The following TCF4 variants were observed in gnomAD, a reference collection of about 807,000 sequenced individuals.
The protein encoded by TCF4 is SL3-3 enhancer factor 2.
Under a neutral mutation model 82.1 loss-of-function variants are expected in TCF4, and 3 were observed. That is an observed-to-expected ratio of 0.04 (90% CI 0.02 to 0.09). TCF4 has a LOEUF of 0.09. Among genes scored for constraint, TCF4 ranks in the 10% least tolerant of loss-of-function variants. The pLI, the probability that TCF4 is intolerant of heterozygous loss-of-function variation, is 1.00. For missense variants in TCF4, 518 were observed against 852.7 expected (o/e 0.61, Z 4.89); for synonymous variants, 276 against 309.6 (o/e 0.89, Z 1.14).
rs1016351184 is a variant in TCF4 at position 55,360,884 on chromosome 18, G to A, written c.370-9881C>T. On this transcript the variant is annotated intron_variant, in intron 6 of 19. Coordinates refer to ENST00000354452, the MANE Select transcript of TCF4 (RefSeq NM_001083962.2). Reference sequence around the variant, plus strand: ...CTGGGCTACAGGTGCATGCCACCATGCCCAGCTAATTTTTGTATTTTTAGT... The same window carrying A: ...CTGGGCTACAGGTGCATGCCACCATACCCAGCTAATTTTTGTATTTTTAGT... Among the ~76,000 whole-genome samples the A allele has an allele frequency of 5.9e-5, 9 of 151,756 alleles. No homozygotes were observed. The South Asian group carries it at 1.7e-3, about 28-fold the overall frequency.
At chr18:55,525,809 T>A (rs1164279016) in intron 3 of TCF4, among the ~76,000 whole-genome samples, 2 of 152,018 alleles carry the variant, frequency 1.3e-5, no homozygotes, top group Admixed American at 1.3e-4. Context: ...GGAACCTAGG[T>A]GCTGGATATC....
chr18:55,487,531 C>T (rs1462532048), intron 3 of TCF4, among the ~76,000 whole-genome samples: 2 of 152,072 alleles, frequency 1.3e-5, no homozygotes, highest in South Asian at 2.1e-4. Context: ...GAAAACAGAA[C>T]CAAATTCATA....
chr18:55,586,147 G>GCAGCAGC (rs1378978070), intron 2 of TCF4: 18 of 1,302,644 alleles, frequency 1.4e-5, no homozygotes, highest in Non-Finnish European at 4.1e-6. Flanking sequence ...GGAGGAGGAG[G>GCAGCAGC]AGGAGGAGCA....
intron 6 of TCF4, among the ~76,000 whole-genome samples, chr18:55,361,731 G>C (rs2085250193): frequency 2.0e-5 from 3 of 152,174 alleles, no homozygotes; most frequent in Admixed American, 2.0e-4. Flanking sequence ...TGAGTCCCAA[G>C]CACCAGCCCA....
At chr18:55,415,247 A>G (rs2146797579) in intron 5 of TCF4, among the ~76,000 whole-genome samples, 1 of 152,318 alleles carries the variant, frequency 6.6e-6, no homozygotes, top group South Asian at 2.1e-4. Context: ...TATTTACCAA[A>G]AACACACCCA....
At chr18:55,500,576 T>G (rs2096686918) in intron 3 of TCF4, among the ~76,000 whole-genome samples, 1 of 152,168 alleles carries the variant, frequency 6.6e-6, no homozygotes, top group East Asian at 1.9e-4. Flanking sequence ...TTAATTGCCA[T>G]TTTTTTCATA....
At chr18:55,446,420 C>G (rs189402929) in intron 5 of TCF4, among the ~76,000 whole-genome samples, 257 of 152,232 alleles carry the variant, frequency 1.7e-3, no homozygotes, top group Non-Finnish European at 3.0e-3. Flanking sequence ...TATTCCACCT[C>G]TGGGAATTCT....
chr18:55,464,496 A>T (rs1484576477), intron 3 of TCF4, among the ~76,000 whole-genome samples: 2 of 152,240 alleles, frequency 1.3e-5, no homozygotes, highest in Admixed American at 6.5e-5. Flanking sequence ...ATGCAAAAAA[A>T]GTTAAATTAA....
intron 8 of TCF4, among the ~76,000 whole-genome samples, chr18:55,318,445 A>AT: frequency 6.6e-6 from 1 of 151,996 alleles, no homozygotes; most frequent in African/African-American, 2.4e-5. Context: ...TGGTGCTTTA[A>AT]TTTTTTTTAA....
intron 12 of TCF4, chr18:55,260,943 T>C (rs2057932742): frequency 1.3e-5 from 2 of 158,168 alleles, no homozygotes; most frequent in African/African-American, 4.8e-5. Context: ...GGTATGCCAT[T>C]TTGTCATCAG....
rs2097710939 is a variant in TCF4, at chr18:55,615,517, T to C, written c.286+15781A>G. ...TCATTTCCAATCTTGATGCCTTTTA[T>C]TCCTTTCCTTGCCTTATTACATTGG... is the stretch of plus-strand genomic sequence containing the variant. On this transcript the variant is annotated intron_variant, in intron 2 of 20. Transcript: ENST00000398339. Among the ~76,000 whole-genome samples the C allele has an allele frequency of 2.0e-5, 3 of 152,100 alleles. No homozygotes were observed. The South Asian group carries it at 6.2e-4, about 32-fold the overall frequency.
At chr18:55,497,633 T>C (rs1457346425) in intron 3 of TCF4, among the ~76,000 whole-genome samples, 1 of 152,214 alleles carries the variant, frequency 6.6e-6, no homozygotes, top group Non-Finnish European at 1.5e-5. Flanking sequence ...ACTATTTACC[T>C]TATTTTCCTT....
intron 8 of TCF4, among the ~76,000 whole-genome samples, chr18:55,348,914 A>C (rs1314205840): frequency 6.6e-6 from 1 of 152,162 alleles, no homozygotes; most frequent in Admixed American, 6.6e-5. Flanking sequence ...AGGCATGTTT[A>C]AAATGTAAAC....
rs913430761 is a variant in TCF4 at position 55,261,423 on chromosome 18, T to A, written c.990+43A>T. The A allele has an allele frequency of 1.9e-6, 3 of 1,605,796 alleles. 1 individual carries two copies. In the Middle Eastern group the frequency reaches 5.0e-4, roughly 266 times the overall value. ...GTCCACTTCTGATTAAAGTTCACCC[T>A]TTACAATGGTACATATGGAGTCCAA... is the stretch of plus-strand genomic sequence containing the variant. On this transcript the variant is annotated intron_variant, in intron 12 of 19. Transcript: ENST00000354452.
intron 5 of TCF4, among the ~76,000 whole-genome samples, chr18:55,433,555 A>G (rs1471575379): frequency 6.6e-6 from 1 of 152,262 alleles, no homozygotes; most frequent in Non-Finnish European, 1.5e-5. Context: ...TACAAAGACC[A>G]GACATTGATC....
At chr18:55,451,129 C>T (rs150059931) in intron 5 of TCF4, among the ~76,000 whole-genome samples, 34 of 152,356 alleles carry the variant, frequency 2.2e-4, no homozygotes, top group African/African-American at 7.9e-4. Flanking sequence ...CCTCCACCTG[C>T]TCCTGCCTTC....
At chr18:55,560,096 T>C (rs2097342028) in intron 3 of TCF4, among the ~76,000 whole-genome samples, 2 of 152,206 alleles carry the variant, frequency 1.3e-5, no homozygotes, top group African/African-American at 2.4e-5. Flanking sequence ...ATCTTCACCA[T>C]TGCTGTTTTA....
chr18:55,278,904 C>G (rs1413505291), intron 9 of TCF4, among the ~76,000 whole-genome samples: 1 of 152,150 alleles, frequency 6.6e-6, no homozygotes, highest in Non-Finnish European at 1.5e-5. Flanking sequence ...AAGGTATACG[C>G]TATCAGTAGC....
At chr18:55,537,773 C>T (rs1420415740) in intron 3 of TCF4, among the ~76,000 whole-genome samples, 2 of 152,018 alleles carry the variant, frequency 1.3e-5, no homozygotes, top group Admixed American at 6.6e-5. Context: ...CTATTTGTGG[C>T]AAGGCTGGTG....
Sources: allele counts gnomAD v4.1 joint callset (sites outside exome capture counted in the v4.1 genomes callset), GRCh38; gene constraint gnomAD v4.1.1; transcripts MANE v1.5; gene names NCBI Gene and HGNC (gene_info 2026-07-23, HGNC 2026-07-21).